The following RAG1 variants were observed in gnomAD, a reference collection of about 807,000 sequenced individuals.
The protein encoded by RAG1 is V(D)J recombination-activating protein 1.
Under a neutral mutation model 62.7 loss-of-function variants are expected in RAG1, and 35 were observed. That is an observed-to-expected ratio of 0.56 (90% CI 0.43 to 0.74). RAG1 has a LOEUF of 0.74. Among genes scored for constraint, RAG1 ranks in the 30% least tolerant of loss-of-function variants. The pLI, the probability that RAG1 is intolerant of heterozygous loss-of-function variation, is 0.00. For synonymous variants in RAG1, 461 were observed against 470.3 expected, an observed-to-expected ratio of 0.98 and a Z score of 0.26; for missense variants, 1,169 against 1,278.6, an observed-to-expected ratio of 0.91 and a Z score of 1.31.
Position 36,526,229 on chromosome 11 carries a change from C to T in RAG1, n.428+6000C>T, listed in dbSNP as rs1419882195. On this transcript the variant is annotated intron_variant and non_coding_transcript_variant, in intron 2 of 2. Coordinates refer to the RAG1 transcript ENST00000529126. ...AGGTATTTCTCCTAATGCTATCCTT[C>T]CCCCCTCCCCCCACCCCCGATAGGC... Among the ~76,000 whole-genome samples, 12 of 136,288 alleles carry T rather than the reference C, an allele frequency of 8.8e-5. No individual in the cohort carries two copies. In the East Asian group the frequency reaches 2.8e-3, roughly 32 times the overall value. The allele number at this position is 136,288 out of a possible 152,430, so 89.4% of individuals were successfully genotyped here.
intron 1 of RAG1, among the ~76,000 whole-genome samples, chr11:36,514,048 G>A (rs1859962657): frequency 6.6e-6 from 1 of 152,162 alleles, no homozygotes; most frequent in African/African-American, 2.4e-5. Flanking sequence ...TTTGCTATGA[G>A]GGAAAAGCCC....
intron 3 of RAG1, among the ~76,000 whole-genome samples, chr11:36,551,749 C>T: frequency 7.7e-6 from 1 of 129,194 alleles, no homozygotes; most frequent in Admixed American, 7.9e-5. Context: ...CAATGCTATC[C>T]CTCCCCCCTC....
At position 36,578,354 on chromosome 11, in the gene RAG1, T is replaced by G. The variant is rs1850883082; in HGVS notation, c.*1918T>G. 2 of 166,762 alleles carry G rather than the reference T, an allele frequency of 1.2e-5. No homozygotes were observed. The highest frequency in any genetic ancestry group is 4.8e-5 in the African/African-American group (2 of 41,464). 10.3% of individuals were successfully genotyped at this position (166,762 alleles called of 1,614,324 possible). A position where few individuals can be genotyped will look rare whatever the true frequency, so the allele number is the denominator to read the frequency against. Reference sequence around the variant, plus strand: ...CAAAAACATATACATATTTTAACATTAGTTTTTTTGAAAACTCTTGGTTTT... The same window carrying G: ...CAAAAACATATACATATTTTAACATGAGTTTTTTTGAAAACTCTTGGTTTT... On this transcript the variant is annotated 3_prime_UTR_variant, in exon 2 of 2. Coordinates refer to ENST00000299440, the MANE Select transcript of RAG1 (RefSeq NM_000448.3).
In RAG1 at chr11:36,573,319, C is replaced by T. The variant is rs745600099; in HGVS notation, c.15C>T (p.Phe5=). 6.2e-7 allele frequency: 1 copy of T among 1,614,156 alleles called. No homozygotes were observed. The highest frequency in any genetic ancestry group is 8.5e-7 in the Non-Finnish European group (1 of 1,180,016). Residue 5 remains phenylalanine, a synonymous_variant, in exon 2 of 2, where the codon TTC becomes TTT. Transcript: ENST00000299440. ...CCTCAGCCAGCATGGCAGCCTCTTT[C>T]CCACCCACCTTGGGACTCAGTTCTG... MAAS[F]PPTLGLSSAP...
At chr11:36,522,198 G>A (rs1860090793) in intron 2 of RAG1, among the ~76,000 whole-genome samples, 1 of 152,206 alleles carries the variant, frequency 6.6e-6, no homozygotes, top group Non-Finnish European at 1.5e-5. Flanking sequence ...GGCCTTCGCA[G>A]CAGCCCCTCC....
intron 2 of RAG1, among the ~76,000 whole-genome samples, chr11:36,532,736 C>A (rs1860273807): frequency 2.0e-5 from 3 of 152,040 alleles, no homozygotes; most frequent in Admixed American, 2.0e-4. Flanking sequence ...ACTTAGCCAG[C>A]CACCTGTGTT....
intron 2 of RAG1, among the ~76,000 whole-genome samples, chr11:36,520,449 T>C (rs1217692582): frequency 6.6e-6 from 1 of 152,088 alleles, no homozygotes; most frequent in Non-Finnish European, 1.5e-5. Context: ...TTTGTATTTT[T>C]GTATTTTTGG....
Position 36,574,506 on chromosome 11 carries a change from C to G in RAG1, c.1202C>G (p.Ser401Trp). The G allele has an allele frequency of 1.2e-6, 2 of 1,614,216 alleles. No homozygotes were observed. Among genetic ancestry groups the G allele is most frequent in the Non-Finnish European group, 1.7e-6 (2 of 1,180,046 alleles). Reference sequence around the variant, plus strand: ...GGCCGGCCCCGCCAACATCTTCTGTCGCTGACTCGGAGAGCTCAGAAGCAC... The same window carrying G: ...GGCCGGCCCCGCCAACATCTTCTGTGGCTGACTCGGAGAGCTCAGAAGCAC... ...KGGRPRQHLL[S>W]LTRRAQKHRL... The change falls in exon 2 of 2, where the codon TCG (serine) becomes TGG (tryptophan). Residue 401 changes from serine (S) to tryptophan (W), a missense_variant. Physicochemically the swap from Ser to Trp is radical, Grantham distance 177. Transcript: ENST00000299440.
chr11:36,531,567 C>T (rs1008267185), intron 2 of RAG1, among the ~76,000 whole-genome samples: 8 of 151,904 alleles, frequency 5.3e-5, no homozygotes, highest in Non-Finnish European at 8.8e-5. Flanking sequence ...CTACTGGTAT[C>T]ATTTTACTAA....
rs193922464 is a variant in RAG1 at position 36,573,626 on chromosome 11, C to T, written c.322C>T (p.Arg108Ter). 1.1e-5 allele frequency: 17 copies of T among 1,614,022 alleles called. No individual in the cohort carries two copies. Among genetic ancestry groups the T allele is most frequent in the South Asian group, 3.3e-5 (3 of 91,076 alleles). ...CAAAGCGATCCATCAAGCCAACCTT[C>T]GACATCTCTGCCGCATCTGTGGGAA... ...RGKAIHQANLRHLCRICGNSF... is the reference protein window; with the variant it reads ...RGKAIHQANL The change falls in exon 2 of 2, where the codon CGA becomes TGA. Residue 108 changes from arginine (R) to a stop codon, truncating the protein, a stop_gained. Coordinates refer to ENST00000299440, the MANE Select transcript of RAG1 (RefSeq NM_000448.3). LOFTEE classifies it high-confidence loss of function.
downstream of RAG1, among the ~76,000 whole-genome samples, chr11:36,539,280 G>C (rs1275541549): frequency 1.3e-5 from 2 of 152,190 alleles, no homozygotes; most frequent in African/African-American, 4.8e-5. Context: ...CCCAAAGGGA[G>C]AGGCCTCAAG....
At chr11:36,520,143 G>A (rs1055299474) in exon 2 of RAG1, 2 of 152,246 alleles carry the variant, frequency 1.3e-5, no homozygotes, top group African/African-American at 4.8e-5. Flanking sequence ...AGTGCAATCT[G>A]AAGCCACTTC....
intron 3 of RAG1, among the ~76,000 whole-genome samples, chr11:36,541,687 A>G (rs1159515336): frequency 3.3e-5 from 5 of 151,720 alleles, no homozygotes; most frequent in African/African-American, 1.2e-4. Flanking sequence ...TGTTGCCCCC[A>G]CTCTTAGTTG....
At chr11:36,535,675 G>A (rs1860315838) in intron 2 of RAG1, among the ~76,000 whole-genome samples, 1 of 152,086 alleles carries the variant, frequency 6.6e-6, no homozygotes, top group Non-Finnish European at 1.5e-5. Flanking sequence ...AACCTGGGAG[G>A]TGGATGTTGC....
intron 2 of RAG1, among the ~76,000 whole-genome samples, chr11:36,521,905 A>T (rs1323137465): frequency 6.6e-6 from 1 of 152,172 alleles, no homozygotes; most frequent in African/African-American, 2.4e-5. Flanking sequence ...AGAGATTTGT[A>T]GAACTTTGAA....
downstream of RAG1, chr11:36,536,177 C>T (rs747399122): frequency 7.2e-5 from 11 of 152,110 alleles, no homozygotes; most frequent in Admixed American, 3.3e-4. Context: ...TTGTAAACAA[C>T]TTAAAAAAAT....
intron 1 of RAG1, among the ~76,000 whole-genome samples, chr11:36,512,062 C>A (rs1450633934): frequency 6.6e-6 from 1 of 152,200 alleles, no homozygotes; most frequent in Admixed American, 6.5e-5. Context: ...CCTTTTCCTA[C>A]TCCTTCAAAT....
At chr11:36,529,014 C>G (rs953514460) in intron 2 of RAG1, among the ~76,000 whole-genome samples, 2 of 151,910 alleles carry the variant, frequency 1.3e-5, no homozygotes, top group African/African-American at 2.4e-5. Context: ...ACCTATCAAC[C>G]AAAAAAGTCC....
rs1850891520 is a variant in RAG1 at position 36,578,819 on chromosome 11, C to T, written c.*2383C>T. 1 of 167,082 alleles carries T rather than the reference C, an allele frequency of 6.0e-6. No homozygotes were observed. Among genetic ancestry groups the T allele is most frequent in the African/African-American group, 2.4e-5 (1 of 41,454 alleles). 10.3% of individuals were successfully genotyped at this position (167,082 alleles called of 1,614,324 possible). Reference sequence around the variant, plus strand: ...ACTAGAGTTTTATTTTTAGCAATGCCTATTGCAAGTGCAATTATATACTCC... The same window carrying T: ...ACTAGAGTTTTATTTTTAGCAATGCTTATTGCAAGTGCAATTATATACTCC... On this transcript the variant is annotated 3_prime_UTR_variant, in exon 2 of 2. Coordinates refer to ENST00000299440, the MANE Select transcript of RAG1 (RefSeq NM_000448.3).
Sources: gnomAD v4.1 joint callset for allele counts (sites outside exome capture counted in the v4.1 genomes callset) on GRCh38, gnomAD v4.1.1 for gene constraint, MANE v1.5 for transcripts, NCBI Gene and HGNC (gene_info 2026-07-23, HGNC 2026-07-21) for gene names.